The following RAD51B variants were observed in gnomAD, a reference collection of about 807,000 sequenced individuals.
RAD51B encodes DNA repair protein RAD51 homolog 2.
In RAD51B, 38 loss-of-function variants were observed where a neutral mutation model predicts 42.2. That is an observed-to-expected ratio of 0.90 (90% CI 0.70 to 1.18). RAD51B has a LOEUF of 1.18. Among genes scored for constraint, RAD51B ranks in the 50% most tolerant of loss-of-function variants. RAD51B has a pLI of 0.00. For missense variants in RAD51B, 373 were observed against 400.7 expected (o/e 0.93, Z 0.59); for synonymous variants, 154 against 145.2 (o/e 1.06, Z -0.43).
At chr14:67,998,857 A>T (rs559551112) in intron 7 of RAD51B, among the ~76,000 whole-genome samples, 1 of 152,256 alleles carries the variant, frequency 6.6e-6, no homozygotes, top group South Asian at 2.1e-4. Flanking sequence ...GTTTGTTCTT[A>T]TGGAATTTAC....
At chr14:68,329,763 C>T (rs1336518922) in intron 8 of RAD51B, among the ~76,000 whole-genome samples, 1 of 152,074 alleles carries the variant, frequency 6.6e-6, no homozygotes. Flanking sequence ...AGGTGGATCA[C>T]GAGGTCAGGA....
chr14:68,594,495 T>A (rs1436255528), exon 11 of RAD51B: 1 of 1,368,584 alleles, frequency 7.3e-7, no homozygotes, highest in African/African-American at 1.5e-5. Context: ...AGACAACATT[T>A]TGCTCTGTCA....
intron 7 of RAD51B, among the ~76,000 whole-genome samples, chr14:68,270,052 T>G (rs552740072): frequency 6.6e-6 from 1 of 152,248 alleles, no homozygotes; most frequent in Non-Finnish European, 1.5e-5. Context: ...CAGGTAGTCA[T>G]GTAATACTTT....
At chr14:68,113,289 G>A (rs867247286) in intron 7 of RAD51B, among the ~76,000 whole-genome samples, 14 of 151,946 alleles carry the variant, frequency 9.2e-5, no homozygotes, top group Admixed American at 2.0e-4. Context: ...TTTACCCATC[G>A]AAGAAAACAA....
intron 10 of RAD51B, among the ~76,000 whole-genome samples, chr14:68,522,646 C>G (rs186434814): frequency 6.6e-5 from 10 of 152,274 alleles, no homozygotes; most frequent in African/African-American, 2.4e-4. Flanking sequence ...TGAAACCTGC[C>G]TTTTTCATGC....
At chr14:67,990,644 C>G (rs1473497601) in intron 7 of RAD51B, among the ~76,000 whole-genome samples, 1 of 151,852 alleles carries the variant, frequency 6.6e-6, no homozygotes, top group African/African-American at 2.4e-5. Flanking sequence ...TAAAAATATA[C>G]AAATACAATT....
In RAD51B at chr14:68,391,566, A is replaced by G. The variant is rs114090610; in HGVS notation, c.854-19858A>G. Among the ~76,000 whole-genome samples, 1,155 of 152,298 alleles carry G rather than the reference A, an allele frequency of 7.6e-3. 6 individuals are homozygous for G. Among genetic ancestry groups the G allele is most frequent in the Middle Eastern group, 0.027 (8 of 294 alleles). On this transcript the variant is annotated intron_variant, in intron 8 of 10. Transcript: ENST00000471583. ...CAAGGGCAGGCTGAGGTCCTCAGAG[A>G]GAGCAGATGGAATAGAGCTTACAAC...
At chr14:68,020,477 T>A (rs906587516) in intron 7 of RAD51B, among the ~76,000 whole-genome samples, 7 of 152,146 alleles carry the variant, frequency 4.6e-5, no homozygotes, top group Non-Finnish European at 7.4e-5. Flanking sequence ...ACTTTAAAAT[T>A]ACACTAGAAA....
rs146390014 is a variant in RAD51B, at chr14:67,822,938, G to A, written c.-2-604G>A. ...CTGGATCAGTTATTTATGTTTTCTG[G>A]TGACAATGGACTAGCTAACTTTTCC... On this transcript the variant is annotated intron_variant, in intron 1 of 10. Transcript: ENST00000471583. Among the ~76,000 whole-genome samples the A allele has an allele frequency of 2.0e-4, 30 of 152,226 alleles. No individual in the cohort carries two copies. The East Asian group carries it at 3.5e-3, about 18-fold the overall frequency.
At chr14:68,442,071 A>C (rs2085310751) in intron 9 of RAD51B, among the ~76,000 whole-genome samples, 1 of 152,192 alleles carries the variant, frequency 6.6e-6, no homozygotes, top group African/African-American at 2.4e-5. Context: ...TGGGTCTAGA[A>C]ATCTGCATTT....
intron 8 of RAD51B, among the ~76,000 whole-genome samples, chr14:68,307,362 C>T (rs2081888801): frequency 6.6e-6 from 1 of 152,216 alleles, no homozygotes. Context: ...GCTCCTCCAG[C>T]TGTCCAGGTT....
intron 7 of RAD51B, among the ~76,000 whole-genome samples, chr14:67,931,006 C>T (rs571818561): frequency 6.3e-4 from 96 of 151,808 alleles, no homozygotes; most frequent in African/African-American, 2.0e-3. Flanking sequence ...CTGCAAGCTC[C>T]GCCGCCTGCA....
intron 7 of RAD51B, among the ~76,000 whole-genome samples, chr14:67,891,082 A>G (rs1392582799): frequency 6.6e-6 from 1 of 152,136 alleles, no homozygotes; most frequent in African/African-American, 2.4e-5. Context: ...CAACAAATCA[A>G]TTTCAGTTGT....
At chr14:68,639,730 G>A (rs918138065) in intron 10 of RAD51B, among the ~76,000 whole-genome samples, 1 of 152,178 alleles carries the variant, frequency 6.6e-6, no homozygotes, top group African/African-American at 2.4e-5. Context: ...GCTGCCATAA[G>A]GCCTGTGGGA....
intron 7 of RAD51B, among the ~76,000 whole-genome samples, chr14:68,134,567 G>A (rs2077968953): frequency 6.6e-6 from 1 of 152,086 alleles, no homozygotes; most frequent in Non-Finnish European, 1.5e-5. Flanking sequence ...CACCAGCAGT[G>A]TATGAGTGAT....
chr14:67,877,961 G>C (rs1312258326), intron 5 of RAD51B, among the ~76,000 whole-genome samples: 1 of 152,158 alleles, frequency 6.6e-6, no homozygotes, highest in African/African-American at 2.4e-5. Context: ...CGCCATGCCT[G>C]GCCAGAAATT....
chr14:68,263,461 C>G (rs1052246011), intron 7 of RAD51B, among the ~76,000 whole-genome samples: 1 of 151,970 alleles, frequency 6.6e-6, no homozygotes, highest in African/African-American at 2.4e-5. Context: ...CATATTGGAA[C>G]AAAAAATTAA....
chr14:68,670,019 G>C (rs1893120936), intron 11 of RAD51B, among the ~76,000 whole-genome samples: 1 of 152,216 alleles, frequency 6.6e-6, no homozygotes, highest in Non-Finnish European at 1.5e-5. Context: ...AAAGAAGAGA[G>C]AGACCAAAAT....
At chr14:67,904,804 T>G (rs2043728953) in intron 7 of RAD51B, among the ~76,000 whole-genome samples, 1 of 152,076 alleles carries the variant, frequency 6.6e-6, no homozygotes, top group South Asian at 2.1e-4. Context: ...CTCTATAGAT[T>G]CTGGATATTA....
Sources: gnomAD v4.1 joint callset for allele counts (sites outside exome capture counted in the v4.1 genomes callset) on GRCh38, gnomAD v4.1.1 for gene constraint, MANE v1.5 for transcripts, NCBI Gene and HGNC (gene_info 2026-07-23, HGNC 2026-07-21) for gene names.